SMAD9: variants seen among roughly 807,000 people sequenced by gnomAD.
SMAD9 encodes SMAD family member 9.
In SMAD9, 36 loss-of-function variants were observed where a neutral mutation model predicts 46.1. The ratio of observed to expected loss-of-function variants is 0.78; its 90% CI spans 0.60 to 1.03. SMAD9 has a LOEUF of 1.03. Among genes scored for constraint, SMAD9 ranks in the 50% least tolerant of loss-of-function variants. SMAD9 has a pLI of 0.00. For missense variants in SMAD9, 572 were observed against 599.8 expected (o/e 0.95, Z 0.48); for synonymous variants, 245 against 237.1 (o/e 1.03, Z -0.31).
chr13:36,869,837 A>T (rs965927579), intron 3 of SMAD9, among the ~76,000 whole-genome samples: 1 of 152,118 alleles, frequency 6.6e-6, no homozygotes, highest in African/African-American at 2.4e-5. Context: ...CTCAAAAAAA[A>T]AAAATGGTTA....
chr13:36,868,500 A>G (rs4943434), intron 3 of SMAD9, among the ~76,000 whole-genome samples: 23,335 of 152,096 alleles, frequency 0.15, 2,632 homozygotes, highest in East Asian at 0.39. Context: ...AGCATTTTGG[A>G]AGGCTGAAGT....
chr13:36,891,962 T>C (rs1242881344), intron 1 of SMAD9, among the ~76,000 whole-genome samples: 2 of 152,202 alleles, frequency 1.3e-5, no homozygotes, highest in African/African-American at 2.4e-5. Flanking sequence ...AAACTGAATC[T>C]GTCCTGGAGT....
At chr13:36,902,313 A>G (rs1003977248) in intron 1 of SMAD9, among the ~76,000 whole-genome samples, 2 of 152,208 alleles carry the variant, frequency 1.3e-5, no homozygotes, top group African/African-American at 4.8e-5. Context: ...AATTGGCCAC[A>G]GATGTTCGGG....
rs184126427 is a variant in SMAD9 at position 36,850,491 on chromosome 13, T to C, written c.1261-1672A>G. On this transcript the variant is annotated intron_variant, in intron 6 of 6. Transcript: ENST00000379826. ...GCCTCCGAGGTTCAAGCGATTCTCC[T>C]GCCTAAGCCTCCCAAGTGCTGAGAT... Among the ~76,000 whole-genome samples, 29 of 152,320 alleles carry C rather than the reference T, an allele frequency of 1.9e-4. 1 individual carries two copies. The highest frequency in any genetic ancestry group is 5.5e-4 in the African/African-American group (23 of 41,568).
rs2058310292 is a variant in SMAD9, at chr13:36,872,924, A to G, written c.413-9T>C. On this transcript the variant is annotated splice_polypyrimidine_tract_variant and intron_variant, in intron 2 of 6. Transcript: ENST00000379826. ...GAGCACAGGAGGCAGTACTAGGATCAGAAAGGAACAAGGCAGTTAGAATTG... is the reference window on the plus strand; with the variant it reads ...GAGCACAGGAGGCAGTACTAGGATCGGAAAGGAACAAGGCAGTTAGAATTG... 6 of 1,614,132 alleles carry G rather than the reference A, an allele frequency of 3.7e-6. No homozygotes were observed. The highest frequency in any genetic ancestry group is 5.1e-6 in the Non-Finnish European group (6 of 1,179,996).
intron 1 of SMAD9, among the ~76,000 whole-genome samples, chr13:36,882,257 GTGTA>G (rs776687378): frequency 8.8e-5 from 12 of 136,120 alleles, no homozygotes; most frequent in Admixed American, 6.5e-4. Context: ...GTGTGTGTGT[GTGTA>G]TGTGTGTGCG....
intron 2 of SMAD9, among the ~76,000 whole-genome samples, chr13:36,873,496 G>T (rs1305342393): frequency 6.6e-6 from 1 of 152,172 alleles, no homozygotes; most frequent in Non-Finnish European, 1.5e-5. Flanking sequence ...TTAATGGAAA[G>T]ATTTCAAGGT....
Position 36,848,464 on chromosome 13 carries a change from C to T in SMAD9, c.*212G>A. ...CCCACAAAATCTGCTGCTTATAGCACAGGCACCAAAGTCCTGCTTTTCCAA... is the reference window on the plus strand; with the variant it reads ...CCCACAAAATCTGCTGCTTATAGCATAGGCACCAAAGTCCTGCTTTTCCAA... On this transcript the variant is annotated 3_prime_UTR_variant, in exon 7 of 7. Transcript: ENST00000379826. The T allele has an allele frequency of 1.7e-6, 1 of 588,602 alleles. No individual in the cohort carries two copies. The highest frequency in any genetic ancestry group is 3.0e-6 in the Non-Finnish European group (1 of 330,832). 36.5% of individuals were successfully genotyped at this position (588,602 alleles called of 1,614,324 possible).
Position 36,895,650 on chromosome 13 carries a change from G to C in SMAD9, c.-186-15775C>G, listed in dbSNP as rs139881285. On this transcript the variant is annotated intron_variant, in intron 1 of 6. Transcript: ENST00000379826. ...TAAATAGAAATTAAGCAGAATTTCA[G>C]AGAAAGATGTGTTCAATGTGAATTT... 7.4e-3 allele frequency among the ~76,000 whole-genome samples: 1,125 copies of C among 152,282 alleles called. 31 individuals carry two copies. Among genetic ancestry groups the C allele is most frequent in the East Asian group, 0.038 (197 of 5,190 alleles).
chr13:36,904,461 G>C (rs775462608), intron 1 of SMAD9, among the ~76,000 whole-genome samples: 1 of 152,184 alleles, frequency 6.6e-6, no homozygotes, highest in Non-Finnish European at 1.5e-5. Context: ...TTTAATTATG[G>C]TCTGGGCCTT....
At chr13:36,900,419 T>C (rs1334493864) in intron 1 of SMAD9, among the ~76,000 whole-genome samples, 1 of 152,044 alleles carries the variant, frequency 6.6e-6, no homozygotes, top group African/African-American at 2.4e-5. Context: ...TAGCTGGGAT[T>C]ACAGGCGCAT....
chr13:36,907,535 C>T (rs901892646), intron 1 of SMAD9, among the ~76,000 whole-genome samples: 13 of 152,144 alleles, frequency 8.5e-5, no homozygotes, highest in African/African-American at 2.9e-4. Context: ...ATTAGCCAGG[C>T]GTGGTGGCAC....
At chr13:36,885,845 A>G (rs1290557517) in intron 1 of SMAD9, among the ~76,000 whole-genome samples, 1 of 152,090 alleles carries the variant, frequency 6.6e-6, no homozygotes. Flanking sequence ...TGTGACCCCA[A>G]AAAGGTTAAA....
intron 1 of SMAD9, among the ~76,000 whole-genome samples, chr13:36,905,808 A>C (rs989055542): frequency 2.4e-5 from 3 of 125,314 alleles, no homozygotes; most frequent in Admixed American, 1.7e-4. Flanking sequence ...AAAAAAAAAA[A>C]AAAAAAACTT....
chr13:36,893,920 CTACA>C (rs1269898430), intron 1 of SMAD9, among the ~76,000 whole-genome samples: 1 of 151,784 alleles, frequency 6.6e-6, no homozygotes, highest in East Asian at 1.9e-4. Flanking sequence ...TATAAGTGTG[CTACA>C]TATTCTTTTG....
Position 36,847,885 on chromosome 13 carries a change from C to T in SMAD9, c.*791G>A, listed in dbSNP as rs1012953348. The T allele has an allele frequency of 2.2e-4, 33 of 152,292 alleles. No homozygotes were observed. Among genetic ancestry groups the T allele is most frequent in the African/African-American group, 7.7e-4 (32 of 41,464 alleles). The allele number at this position is 152,292 out of a possible 1,614,324, so 9.4% of individuals were successfully genotyped here. A position where few individuals can be genotyped will look rare whatever the true frequency, so the allele number is the denominator to read the frequency against. On this transcript the variant is annotated 3_prime_UTR_variant, in exon 7 of 7. Transcript: ENST00000379826. The stretch of plus-strand genomic sequence containing the variant: ...ACAACCAGCACGACAGGAACCTGGT[C>T]TCCTCTGTGGAAAGCAGGAGTCTCC...
intron 5 of SMAD9, among the ~76,000 whole-genome samples, chr13:36,862,911 TG>T (rs1332123178): frequency 6.6e-6 from 1 of 152,224 alleles, no homozygotes; most frequent in East Asian, 1.9e-4. Context: ...TTGTATTTCG[TG>T]TCTGTCTTTC....
rs185805617 is a variant in SMAD9, at chr13:36,848,667, A to G, written c.*9T>C. ...CTATCCTATGGAAATGCAGCTTAAGACATGACTGTTAAGACACTGAAGAAA... is the reference window on the plus strand; with the variant it reads ...CTATCCTATGGAAATGCAGCTTAAGGCATGACTGTTAAGACACTGAAGAAA... On this transcript the variant is annotated 3_prime_UTR_variant, in exon 7 of 7. Transcript: ENST00000379826. 110 of 1,614,024 alleles carry G rather than the reference A, an allele frequency of 6.8e-5. No individual in the cohort carries two copies. The African/African-American group carries it at 1.3e-3, about 19-fold the overall frequency.
At chr13:36,854,163 A>T (rs1024566624) in intron 5 of SMAD9, among the ~76,000 whole-genome samples, 2 of 151,876 alleles carry the variant, frequency 1.3e-5, no homozygotes, top group Non-Finnish European at 1.5e-5. Context: ...CATCTCAAAA[A>T]AATAAATAAA....
Sources: gnomAD v4.1 joint callset for allele counts (sites outside exome capture counted in the v4.1 genomes callset) on GRCh38, gnomAD v4.1.1 for gene constraint, MANE v1.5 for transcripts, NCBI Gene and HGNC (gene_info 2026-07-23, HGNC 2026-07-21) for gene names.